Variants in SLC35F4 observed in about 807,000 individuals in gnomAD.
SLC35F4 encodes the protein chromosome 14 open reading frame 36.
In SLC35F4, 24 loss-of-function variants were observed where a neutral mutation model predicts 44.2. That is an observed-to-expected ratio of 0.54 (90% CI 0.39 to 0.76). The LOEUF is 0.76. Ranked by LOEUF, SLC35F4 falls within the 30% of genes least tolerant of loss-of-function variation. The probability of loss-of-function intolerance (pLI) is 0.00; values close to 1 mark genes in which losing one functional copy is unlikely to be tolerated. For missense variants in SLC35F4, 562 were observed against 586.1 expected (o/e 0.96, Z 0.42); for synonymous variants, 238 against 223.6 (o/e 1.06, Z -0.57).
At chr14:57,764,808 G>A (rs941895824) in intron 1 of SLC35F4, among the ~76,000 whole-genome samples, 1 of 152,148 alleles carries the variant, frequency 6.6e-6, no homozygotes, top group African/African-American at 2.4e-5. Context: ...GTTTGAGGCT[G>A]CCACTCCAAA....
intron 1 of SLC35F4, among the ~76,000 whole-genome samples, chr14:57,829,687 T>G (rs1211503974): frequency 6.6e-6 from 1 of 152,168 alleles, no homozygotes; most frequent in Non-Finnish European, 1.5e-5. Flanking sequence ...TGTGGCTCCT[T>G]TCCTGGGTGC....
chr14:57,698,752 C>T (rs952872559), intron 1 of SLC35F4, among the ~76,000 whole-genome samples: 4 of 151,900 alleles, frequency 2.6e-5, no homozygotes, highest in Non-Finnish European at 4.4e-5. Context: ...ATTCTCCTGC[C>T]TCAGCCTCTA....
At chr14:57,866,957 AAATAATAAT>A (rs4035380), upstream of SLC35F4, among the ~76,000 whole-genome samples, 5,012 of 136,026 alleles carry the variant, frequency 0.037, 427 homozygotes, top group East Asian at 0.37. Context: ...AGCTTCCTGC[AAATAATAAT>A]AATAATAATA....
At chr14:57,662,433 T>C (rs890350639) in intron 1 of SLC35F4, among the ~76,000 whole-genome samples, 4 of 152,182 alleles carry the variant, frequency 2.6e-5, no homozygotes, top group African/African-American at 9.6e-5. Context: ...TTAAGATGAA[T>C]TCATGCCTTT....
intron 1 of SLC35F4, among the ~76,000 whole-genome samples, chr14:57,837,093 T>A (rs1307041409): frequency 6.6e-6 from 1 of 152,226 alleles, no homozygotes; most frequent in Non-Finnish European, 1.5e-5. Flanking sequence ...ACACTGGTCT[T>A]CCACTTATAC....
intron 1 of SLC35F4, among the ~76,000 whole-genome samples, chr14:57,956,696 C>A (rs1051229610): frequency 1.3e-5 from 2 of 152,128 alleles, no homozygotes; most frequent in Non-Finnish European, 2.9e-5. Context: ...AAAAAAAGCT[C>A]ACCATCACTG....
At chr14:57,702,318 A>G (rs1434613254) in intron 1 of SLC35F4, among the ~76,000 whole-genome samples, 1 of 139,198 alleles carries the variant, frequency 7.2e-6, no homozygotes, top group African/African-American at 2.8e-5. Context: ...GCCCAAATAA[A>G]TATCATTTTC....
intron 1 of SLC35F4, among the ~76,000 whole-genome samples, chr14:57,645,430 A>G (rs898900714): frequency 7.2e-5 from 11 of 151,774 alleles, no homozygotes; most frequent in Non-Finnish European, 1.2e-4. Context: ...TTTGTCTGTT[A>G]TTGGTGTATA....
In SLC35F4 at chr14:57,710,516, G is replaced by A. The variant is rs939466758; in HGVS notation, c.104-116392C>T. On this transcript the variant is annotated intron_variant, in intron 1 of 7. Coordinates refer to ENST00000556826, the MANE Select transcript of SLC35F4 (RefSeq NM_001306087.2). ...CCAGCATCCTCCAGACCTCAGAATT[G>A]TAGATCCACTGACAACTTGCACCAT... Among the ~76,000 whole-genome samples, 4 of 152,210 alleles carry A rather than the reference G, an allele frequency of 2.6e-5. No homozygotes were observed. The South Asian group carries it at 8.3e-4, about 32-fold the overall frequency.
At chr14:57,881,377 C>A (rs1817631281) in intron 1 of SLC35F4, among the ~76,000 whole-genome samples, 1 of 152,126 alleles carries the variant, frequency 6.6e-6, no homozygotes, top group African/African-American at 2.4e-5. Flanking sequence ...TGTTGTGAAA[C>A]AAAAGTCAGA....
intron 4 of SLC35F4, among the ~76,000 whole-genome samples, chr14:57,576,287 G>A (rs1356597805): frequency 2.6e-5 from 4 of 152,132 alleles, no homozygotes; most frequent in Non-Finnish European, 5.9e-5. Flanking sequence ...GGCTAATTCT[G>A]TTTCTTGAAG....
At chr14:57,922,227 C>T (rs1046667898) in intron 1 of SLC35F4, among the ~76,000 whole-genome samples, 6 of 152,166 alleles carry the variant, frequency 3.9e-5, no homozygotes, top group Non-Finnish European at 1.5e-5. Flanking sequence ...AGTGGGCATA[C>T]ACCCAGAGAG....
chr14:57,763,151 G>C (rs2077162288), intron 1 of SLC35F4, among the ~76,000 whole-genome samples: 1 of 152,096 alleles, frequency 6.6e-6, no homozygotes, highest in African/African-American at 2.4e-5. Context: ...TCATTAATGT[G>C]TTAAGTTTTA....
intron 1 of SLC35F4, among the ~76,000 whole-genome samples, chr14:57,748,044 A>C (rs2076800307): frequency 6.6e-6 from 1 of 152,230 alleles, no homozygotes; most frequent in Non-Finnish European, 1.5e-5. Flanking sequence ...GAGTGCCTGC[A>C]CATGGAAAAT....
intron 1 of SLC35F4, chr14:57,596,007 A>G (rs1356732404): frequency 1.3e-5 from 2 of 152,338 alleles, no homozygotes; most frequent in Non-Finnish European, 2.9e-5. Flanking sequence ...GAGGGTGACT[A>G]CAGTCAACAA....
intron 1 of SLC35F4, among the ~76,000 whole-genome samples, chr14:57,761,801 AAC>A (rs1329323758): frequency 6.6e-6 from 1 of 152,194 alleles, no homozygotes; most frequent in African/African-American, 2.4e-5. Flanking sequence ...AGAATACAAT[AAC>A]ACAAATGTTG....
At chr14:57,596,677 C>T in intron 1 of SLC35F4, 1 of 774,498 alleles carries the variant, frequency 1.3e-6, no homozygotes, top group Non-Finnish European at 2.1e-6. Context: ...CAAATATTGT[C>T]CATAGTTACC....
At chr14:57,611,635 TG>T (rs1422764266) in intron 1 of SLC35F4, among the ~76,000 whole-genome samples, 7 of 151,506 alleles carry the variant, frequency 4.6e-5, no homozygotes, top group Non-Finnish European at 7.4e-5. Flanking sequence ...CTTCTACGAC[TG>T]CCAACAAGAC....
Position 57,760,656 on chromosome 14 carries a change from T to C in SLC35F4, c.103+105067A>G, listed in dbSNP as rs1024132639. On this transcript the variant is annotated intron_variant, in intron 1 of 7. Coordinates refer to ENST00000556826, the MANE Select transcript of SLC35F4 (RefSeq NM_001306087.2). ...ATTTGGGTCTTGCTTTTAAGATTTA[T>C]TAGTCAGTATCAGAATAGCATTTAG... Among the ~76,000 whole-genome samples, 9 of 152,360 alleles carry C rather than the reference T, an allele frequency of 5.9e-5. No homozygotes were observed. The East Asian group carries it at 1.2e-3, about 20-fold the overall frequency.
Sources: gnomAD v4.1 joint callset for allele counts (sites outside exome capture counted in the v4.1 genomes callset) on GRCh38, gnomAD v4.1.1 for gene constraint, MANE v1.5 for transcripts, NCBI Gene and HGNC (gene_info 2026-07-23, HGNC 2026-07-21) for gene names.